The following PPM1H variants were observed in gnomAD, a reference collection of about 807,000 sequenced individuals.
The protein encoded by PPM1H is protein phosphatase, Mg2+/Mn2+ dependent 1H, also known as protein phosphatase 1H.
A neutral mutation model predicts 54.9 loss-of-function variants in PPM1H; 27 were observed. The ratio of observed to expected loss-of-function variants is 0.49; its 90% CI spans 0.36 to 0.68. The LOEUF is 0.68. Ranked by LOEUF, PPM1H falls within the 30% of genes least tolerant of loss-of-function variation. The probability of loss-of-function intolerance (pLI) is 0.00; values close to 1 mark genes in which losing one functional copy is unlikely to be tolerated. For synonymous variants in PPM1H, 305 were observed against 270.8 expected, an observed-to-expected ratio of 1.13 and a Z score of -1.24; for missense variants, 596 against 667.8, an observed-to-expected ratio of 0.89 and a Z score of 1.19.
intron 2 of PPM1H, among the ~76,000 whole-genome samples, chr12:62,813,678 C>T (rs1188596673): frequency 6.6e-6 from 1 of 152,146 alleles, no homozygotes; most frequent in East Asian, 1.9e-4. Context: ...AATGACAATC[C>T]AGTCATATCT....
intron 1 of PPM1H, among the ~76,000 whole-genome samples, chr12:62,848,362 A>G (rs531325105): frequency 3.0e-4 from 45 of 152,348 alleles, no homozygotes; most frequent in African/African-American, 1.0e-3. Context: ...CGTTAGATTC[A>G]GGCTTACCTG....
At chr12:62,781,770 T>C (rs1251977790) in intron 4 of PPM1H, among the ~76,000 whole-genome samples, 6 of 152,250 alleles carry the variant, frequency 3.9e-5, no homozygotes, top group African/African-American at 1.4e-4. Flanking sequence ...GGGTGCCCTC[T>C]GTGTGGATGG....
chr12:62,834,492 G>A (rs1868442101), intron 1 of PPM1H, among the ~76,000 whole-genome samples: 2 of 152,170 alleles, frequency 1.3e-5, no homozygotes, highest in African/African-American at 4.8e-5. Flanking sequence ...TTCCTATTGT[G>A]CCCTGGGGAC....
chr12:62,723,460 T>A (rs539011366), intron 5 of PPM1H, among the ~76,000 whole-genome samples: 43 of 152,240 alleles, frequency 2.8e-4, no homozygotes, highest in African/African-American at 9.4e-4. Flanking sequence ...TAACCCCTAA[T>A]GCAACAATGT....
intron 1 of PPM1H, among the ~76,000 whole-genome samples, chr12:62,903,008 G>C (rs1871203248): frequency 6.6e-6 from 1 of 152,104 alleles, no homozygotes; most frequent in African/African-American, 2.4e-5. Flanking sequence ...AAGGTACTAA[G>C]GTAGTACTCA....
At chr12:62,908,698 T>C (rs1460479882) in intron 1 of PPM1H, among the ~76,000 whole-genome samples, 1 of 152,190 alleles carries the variant, frequency 6.6e-6, no homozygotes, top group East Asian at 1.9e-4. Context: ...GTTTATGCTA[T>C]GGCAAGGAAT....
intron 1 of PPM1H, among the ~76,000 whole-genome samples, chr12:62,890,416 C>A (rs1324557931): frequency 1.3e-5 from 2 of 152,088 alleles, no homozygotes; most frequent in Admixed American, 6.5e-5. Context: ...AATGATCGTG[C>A]CAATTTTGTG....
Position 62,658,717 on chromosome 12 carries a change from C to T in PPM1H, c.1397+8461G>A, listed in dbSNP as rs1005199627. The T allele has an allele frequency of 2.0e-5, 7 of 348,054 alleles. 1 individual carries two copies. In the Admixed American group the frequency reaches 2.0e-4, roughly 10 times the overall value. The allele number at this position is 348,054 out of a possible 1,614,324, so 21.6% of individuals were successfully genotyped here. ...TGCATTTCCTAGGAACAGTTCATTT[C>T]GTGACCCCACAAGAGTAAAAGAACT... On this transcript the variant is annotated intron_variant, in intron 9 of 9. Transcript: ENST00000228705.
At chr12:62,750,936 G>C (rs2076439342) in intron 4 of PPM1H, among the ~76,000 whole-genome samples, 1 of 152,186 alleles carries the variant, frequency 6.6e-6, no homozygotes, top group Non-Finnish European at 1.5e-5. Flanking sequence ...CTCTAGTGCA[G>C]GGTCAATATC....
At chr12:62,821,539 T>C (rs144300916) in intron 2 of PPM1H, among the ~76,000 whole-genome samples, 1 of 152,172 alleles carries the variant, frequency 6.6e-6, no homozygotes, top group Non-Finnish European at 1.5e-5. Context: ...TCGGGTTACC[T>C]GCAAAGGGAA....
intron 6 of PPM1H, among the ~76,000 whole-genome samples, chr12:62,710,070 G>A (rs990840989): frequency 4.0e-5 from 6 of 150,244 alleles, no homozygotes; most frequent in East Asian, 2.0e-4. Flanking sequence ...GTGAAACTCC[G>A]TCTCAAAAAA....
intron 4 of PPM1H, 93 bp from the exon 5 acceptor site, chr12:62,737,679 C>T (rs2076358067): frequency 1.2e-6 from 1 of 855,282 alleles, no homozygotes; most frequent in Admixed American, 3.3e-5. Flanking sequence ...ACATGAAATG[C>T]CAAGAGATGT....
chr12:62,876,272 C>T (rs1021634083), intron 1 of PPM1H, among the ~76,000 whole-genome samples: 2 of 152,122 alleles, frequency 1.3e-5, no homozygotes, highest in Non-Finnish European at 2.9e-5. Context: ...AAAGACAAAA[C>T]AAAACCATCT....
chr12:62,681,204 G>A (rs1031356580), intron 8 of PPM1H, among the ~76,000 whole-genome samples: 14 of 151,886 alleles, frequency 9.2e-5, no homozygotes, highest in Non-Finnish European at 1.8e-4. Flanking sequence ...GAAAACTTAC[G>A]GCAAAAAAGC....
chr12:62,803,149 C>T (rs903085353), intron 2 of PPM1H, among the ~76,000 whole-genome samples: 1 of 152,182 alleles, frequency 6.6e-6, no homozygotes, highest in Non-Finnish European at 1.5e-5. Context: ...TTATACTTCC[C>T]ACCTCCCTTA....
chr12:62,786,193 C>T (rs976760854), intron 4 of PPM1H, among the ~76,000 whole-genome samples: 1 of 152,240 alleles, frequency 6.6e-6, no homozygotes. Context: ...GAATTGCCTC[C>T]TTTGCTGCTC....
chr12:62,677,114 C>G (rs911250438), intron 8 of PPM1H, among the ~76,000 whole-genome samples: 3 of 152,116 alleles, frequency 2.0e-5, no homozygotes, highest in African/African-American at 7.2e-5. Flanking sequence ...TGGGTCTCAT[C>G]TCCACTGAGG....
intron 9 of PPM1H, among the ~76,000 whole-genome samples, chr12:62,657,921 G>T (rs748575415): frequency 6.6e-6 from 1 of 152,074 alleles, no homozygotes; most frequent in African/African-American, 2.4e-5. Flanking sequence ...CATCAGGAAG[G>T]CTTCTCTCAT....
chr12:62,667,479 TGTGGCCAGGG>T, intron 8 of PPM1H, 150 bp from the exon 9 acceptor site: 1 of 700,492 alleles, frequency 1.4e-6, no homozygotes, highest in African/African-American at 1.8e-5. Context: ...CAGCGAGCTG[TGTGGCCAGGG>T]ATAGTCTCCC....
Sources: allele counts gnomAD v4.1 joint callset (sites outside exome capture counted in the v4.1 genomes callset), GRCh38; gene constraint gnomAD v4.1.1; transcripts MANE v1.5; gene names NCBI Gene and HGNC (gene_info 2026-07-23, HGNC 2026-07-21).